The following PPP6R2 variants were observed in gnomAD, a reference collection of about 807,000 sequenced individuals.
PPP6R2 encodes the protein protein phosphatase 6 regulatory subunit 2, also known as serine/threonine-protein phosphatase 6 regulatory subunit 2.
Under a neutral mutation model 100.2 loss-of-function variants are expected in PPP6R2, and 62 were observed. The observed-to-expected ratio is 0.62, with a 90% CI of 0.50 to 0.76. PPP6R2 has a LOEUF of 0.76. Ranked by LOEUF, PPP6R2 falls within the 30% of genes least tolerant of loss-of-function variation. The probability of loss-of-function intolerance (pLI) is 0.00; values close to 1 mark genes in which losing one functional copy is unlikely to be tolerated. For synonymous variants in PPP6R2, 525 were observed against 514.7 expected (o/e 1.02, Z -0.27); for missense variants, 1,142 against 1,276.3 (o/e 0.89, Z 1.60).
At chr22:50,441,049 G>A (rs1214406460) in intron 22 of PPP6R2, 23 bp downstream of exon 22, 11 of 1,511,306 alleles carry the variant, frequency 7.3e-6, no homozygotes, top group African/African-American at 4.1e-5. Context: ...TGGCGGGGGC[G>A]GGCCTGCCGG....
In PPP6R2 at chr22:50,419,072, C is replaced by T. The variant is rs1413032646; in HGVS notation, c.731+93C>T. 4 of 1,014,798 alleles carry T rather than the reference C, an allele frequency of 3.9e-6. No individual in the cohort carries two copies. The African/African-American group carries it at 6.4e-5, about 16-fold the overall frequency. The allele number at this position is 1,014,798 out of a possible 1,614,324, so 62.9% of individuals were successfully genotyped here. A position where few individuals can be genotyped will look rare whatever the true frequency, so the allele number is the denominator to read the frequency against. On this transcript the variant is annotated intron_variant, in intron 7 of 23. Coordinates refer to ENST00000612753, the MANE Select transcript of PPP6R2 (RefSeq NM_001242898.2). ...TGCTCTGAGCACCAGGATATGTTGC[C>T]ACCTCCTCTGATTCACATTCGAATG...
upstream of PPP6R2, among the ~76,000 whole-genome samples, chr22:50,343,019 CG>C (rs1252385545): frequency 1.3e-5 from 2 of 152,214 alleles, no homozygotes; most frequent in African/African-American, 4.8e-5. Context: ...AATGCTGCGT[CG>C]GGCCACGCGA....
upstream of PPP6R2, among the ~76,000 whole-genome samples, chr22:50,339,597 G>GTGGTGT (rs1362401269): frequency 8.7e-6 from 1 of 114,366 alleles, no homozygotes; most frequent in Non-Finnish European, 1.8e-5. Context: ...TGTGTGGTAT[G>GTGGTGT]GTGTGTGCGG....
chr22:50,428,535 A>T (rs182625499), intron 10 of PPP6R2, among the ~76,000 whole-genome samples: 3 of 152,122 alleles, frequency 2.0e-5, no homozygotes, highest in African/African-American at 7.2e-5. Context: ...ACATAGTGAG[A>T]CCTGGTCTCT....
chr22:50,351,034 T>TTTG (rs1569254530), intron 1 of PPP6R2, among the ~76,000 whole-genome samples: 17 of 116,362 alleles, frequency 1.5e-4, no homozygotes, highest in African/African-American at 4.8e-4. Context: ...GTGTTTTTTT[T>TTTG]TTTTTTTTTT....
At chr22:50,386,697 G>A (rs1437348880) in intron 2 of PPP6R2, among the ~76,000 whole-genome samples, 1 of 152,128 alleles carries the variant, frequency 6.6e-6, no homozygotes, top group Non-Finnish European at 1.5e-5. Flanking sequence ...TTCCCACCAG[G>A]CGGTAAAATC....
Position 50,349,195 on chromosome 22 carries a change from CAA to C in PPP6R2, c.-148+5666_-148+5667del, listed in dbSNP as rs892504600. ...GGGCGACAAGAGTGAGACTTCCTCT[CAA>C]AAAAAAAAAAAAAAAAAAAAGTTGG... On this transcript the variant is annotated intron_variant, in intron 1 of 23. Transcript: ENST00000612753. 1.9e-3 allele frequency among the ~76,000 whole-genome samples: 115 copies of C among 61,642 alleles called. 1 individual carries two copies. Among genetic ancestry groups the C allele is most frequent in the African/African-American group, 6.9e-3 (105 of 15,178 alleles). 40.4% of individuals were successfully genotyped at this position (61,642 alleles called of 152,430 possible).
chr22:50,390,788 C>T (rs957687908), intron 2 of PPP6R2, among the ~76,000 whole-genome samples: 1 of 151,922 alleles, frequency 6.6e-6, no homozygotes, highest in African/African-American at 2.4e-5. Context: ...ATCACGAGGT[C>T]AGGAGTTCAA....
chr22:50,396,548 G>T (rs950387495), intron 3 of PPP6R2, among the ~76,000 whole-genome samples: 1 of 150,834 alleles, frequency 6.6e-6, no homozygotes, highest in East Asian at 1.9e-4. Flanking sequence ...ACATGAAAAC[G>T]ATATGAAACA....
At chr22:50,401,118 A>C (rs79067317) in intron 3 of PPP6R2, among the ~76,000 whole-genome samples, 46,838 of 151,956 alleles carry the variant, frequency 0.31, 7,517 homozygotes, top group South Asian at 0.39. Flanking sequence ...GTCTGGACTC[A>C]AACTCCTGGG....
chr22:50,432,417 G>A (rs1364960217), intron 12 of PPP6R2, 88 bp downstream of exon 12: 1 of 1,240,844 alleles, frequency 8.1e-7, no homozygotes, highest in East Asian at 2.5e-5. Context: ...GACGCTGCGT[G>A]CAGGACTGCA....
chr22:50,392,724 A>G (rs2055890686), intron 2 of PPP6R2, among the ~76,000 whole-genome samples: 1 of 152,048 alleles, frequency 6.6e-6, no homozygotes, highest in South Asian at 2.1e-4. Flanking sequence ...GGGCCAGGAG[A>G]GGTTTTGGAG....
At chr22:50,392,396 A>G (rs2055806421) in intron 2 of PPP6R2, among the ~76,000 whole-genome samples, 1 of 151,762 alleles carries the variant, frequency 6.6e-6, no homozygotes. Flanking sequence ...GTGTCAGTGT[A>G]TATATGGAGT....
chr22:50,405,130 T>G (rs1288500846), intron 3 of PPP6R2, among the ~76,000 whole-genome samples: 1 of 152,226 alleles, frequency 6.6e-6, no homozygotes, highest in Non-Finnish European at 1.5e-5. Context: ...TGGAGTGGTC[T>G]GTGTTTGTTG....
At chr22:50,411,454 CA>C (rs878951199) in intron 4 of PPP6R2, among the ~76,000 whole-genome samples, 1 of 142,034 alleles carries the variant, frequency 7.0e-6, no homozygotes. Context: ...ACTCTGTCTC[CA>C]AAAAAAAAGA....
intron 3 of PPP6R2, among the ~76,000 whole-genome samples, chr22:50,397,013 G>A (rs2057033699): frequency 6.6e-6 from 1 of 152,202 alleles, no homozygotes; most frequent in African/African-American, 2.4e-5. Flanking sequence ...ATGGGGCAAG[G>A]AGAGTGGGGA....
At chr22:50,419,664 C>G (rs2061039320) in intron 8 of PPP6R2, among the ~76,000 whole-genome samples, 1 of 152,230 alleles carries the variant, frequency 6.6e-6, no homozygotes, top group African/African-American at 2.4e-5. Context: ...CACTGGTGCT[C>G]CCTCTCCAGC....
chr22:50,403,406 A>C (rs1481381588), intron 3 of PPP6R2, among the ~76,000 whole-genome samples: 2 of 152,156 alleles, frequency 1.3e-5, no homozygotes, highest in Non-Finnish European at 2.9e-5. Flanking sequence ...GAGGCTGCCA[A>C]CCTGGCCCTC....
upstream of PPP6R2, among the ~76,000 whole-genome samples, chr22:50,339,950 AGTGT>A (rs369820886): frequency 0.047 from 1,867 of 39,316 alleles, 23 homozygotes; most frequent in South Asian, 0.09. Flanking sequence ...TGTGTTATGT[AGTGT>A]GTGTGTGTTG....
Sources: allele counts gnomAD v4.1 joint callset (sites outside exome capture counted in the v4.1 genomes callset), GRCh38; gene constraint gnomAD v4.1.1; transcripts MANE v1.5; gene names NCBI Gene and HGNC (gene_info 2026-07-23, HGNC 2026-07-21).